The following TENM1 variants were observed in gnomAD, a reference collection of about 807,000 sequenced individuals.
TENM1 encodes teneurin transmembrane protein 1, also known as teneurin-1.
Under a neutral mutation model 174.8 loss-of-function variants are expected in TENM1, and 35 were observed. That is an observed-to-expected ratio of 0.20 (90% CI 0.15 to 0.27). The LOEUF (loss-of-function observed/expected upper bound fraction) is 0.27, where lower values mean the gene tolerates loss of function less well. TENM1 is among the 10% of genes least tolerant of loss of function. TENM1 has a pLI of 1.00. For missense variants in TENM1, 1,633 were observed against 2,130.1 expected (o/e 0.77, Z 4.59); for synonymous variants, 781 against 798.7 (o/e 0.98, Z 0.37).
chrX:124,763,484 GCA>G (rs747940187), intron 3 of TENM1, among the ~76,000 whole-genome samples: 50 of 108,231 alleles, frequency 4.6e-4, no homozygotes, highest in African/African-American at 1.1e-3. Context: ...TCTCAAAAGC[GCA>G]CACACACACA....
the TENM1 span, among the ~76,000 whole-genome samples, chrX:125,006,496 G>A: frequency 8.9e-6 from 1 of 111,742 alleles, no homozygotes; most frequent in Non-Finnish European, 1.9e-5. Context: ...TCCTGACAAG[G>A]GGGATTCTCC....
intron 22 of TENM1, among the ~76,000 whole-genome samples, chrX:124,461,857 T>C (rs2061177925): frequency 9.0e-6 from 1 of 111,719 alleles, no homozygotes; most frequent in African/African-American, 3.3e-5. Flanking sequence ...TCAAAATAAC[T>C]AGAAGAGAAT....
intron 11 of TENM1, among the ~76,000 whole-genome samples, chrX:124,577,411 C>G (rs187232010): frequency 9.4e-6 from 1 of 106,659 alleles, no homozygotes; most frequent in African/African-American, 3.4e-5. Context: ...GTAAAGAACC[C>G]AGAGTCAACA....
chrX:124,461,250 T>C (rs140824019), intron 22 of TENM1, among the ~76,000 whole-genome samples: 257 of 112,104 alleles, frequency 2.3e-3, no homozygotes, highest in African/African-American at 7.8e-3. Context: ...TAATGAATGC[T>C]GGTGAGGATG....
At chrX:124,544,208 G>A (rs940581683) in intron 15 of TENM1, among the ~76,000 whole-genome samples, 2 of 112,640 alleles carry the variant, frequency 1.8e-5, no homozygotes, top group African/African-American at 6.4e-5. Context: ...TACAGTCCGA[G>A]ATGTATAAGA....
chrX:124,565,664 TTTTA>T (rs941909808), intron 11 of TENM1, 104 bp from the exon 15 acceptor site: 71 of 506,597 alleles, frequency 1.4e-4, no homozygotes, highest in Non-Finnish European at 1.8e-4. Flanking sequence ...TATATTTATA[TTTTA>T]TTTATTTATT....
the TENM1 span, among the ~76,000 whole-genome samples, chrX:125,089,794 T>C: frequency 9.0e-6 from 1 of 111,526 alleles, no homozygotes; most frequent in Admixed American, 9.5e-5. Flanking sequence ...TTTAGGAGCA[T>C]AGTCAAGTGG....
intron 11 of TENM1, among the ~76,000 whole-genome samples, chrX:124,568,418 T>C (rs989180637): frequency 9.0e-6 from 1 of 111,447 alleles, no homozygotes; most frequent in African/African-American, 3.3e-5. Flanking sequence ...GTACTGACTA[T>C]TGAGTATAAA....
At chrX:125,145,170 C>T in the TENM1 span, among the ~76,000 whole-genome samples, 4 of 111,777 alleles carry the variant, frequency 3.6e-5, no homozygotes, top group African/African-American at 1.3e-4. Context: ...CACAGAAAAT[C>T]TGGGCCTGAT....
At chrX:124,463,645 G>A (rs2061204885) in intron 22 of TENM1, among the ~76,000 whole-genome samples, 1 of 111,096 alleles carries the variant, frequency 9.0e-6, no homozygotes, top group African/African-American at 3.3e-5. Flanking sequence ...TAAATTATTG[G>A]TGTAAAAGCC....
At chrX:125,061,011 A>C in the TENM1 span, among the ~76,000 whole-genome samples, 1 of 109,750 alleles carries the variant, frequency 9.1e-6, no homozygotes, top group Admixed American at 9.8e-5. Flanking sequence ...TTATATATAT[A>C]TATATATACT....
chrX:124,851,807 TAGCTA>T (rs1207699362), intron 3 of TENM1, among the ~76,000 whole-genome samples: 2 of 111,532 alleles, frequency 1.8e-5, no homozygotes, highest in African/African-American at 6.5e-5. Context: ...GCTATCTCCT[TAGCTA>T]GACTATCTTA....
At chrX:124,816,963 C>T (rs1040699815) in intron 3 of TENM1, among the ~76,000 whole-genome samples, 8 of 110,036 alleles carry the variant, frequency 7.3e-5, no homozygotes, top group African/African-American at 2.6e-4. Context: ...TAGGTATATA[C>T]GTGCCATGGT....
At chrX:124,380,778 C>T (rs773983922) in exon 32 of TENM1, 4 of 1,211,717 alleles carry the variant, frequency 3.3e-6, no homozygotes, top group South Asian at 1.8e-5. Flanking sequence ...ATCTCCAACA[C>T]GTGATTCTTT....
chrX:124,833,583 T>C (rs187018635), intron 3 of TENM1, among the ~76,000 whole-genome samples: 1 of 112,105 alleles, frequency 8.9e-6, no homozygotes, highest in Admixed American at 9.5e-5. Context: ...CTTTTTTCCC[T>C]AGTTCTCTAC....
intron 14 of TENM1, among the ~76,000 whole-genome samples, chrX:124,555,211 C>T (rs924204973): frequency 9.9e-5 from 11 of 111,409 alleles, no homozygotes; most frequent in African/African-American, 3.3e-4. Context: ...CAAAGACATG[C>T]CTTTTACTTT....
the TENM1 span, among the ~76,000 whole-genome samples, chrX:125,023,801 C>T: frequency 8.2e-3 from 918 of 111,307 alleles, 8 homozygotes; most frequent in African/African-American, 0.028. Context: ...TAACATCCTA[C>T]AGGACAGGGG....
Position 124,413,913 on chromosome X carries a change from A to C in TENM1, c.4982+6398T>G, listed in dbSNP as rs1406509808. On this transcript the variant is annotated intron_variant, in intron 25 of 31. Transcript: ENST00000422452. ...TGCATGGGAATCGCATCCTATCCCC[A>C]GGCAAATATCTCACCCAGAGACATG... 2.7e-5 allele frequency among the ~76,000 whole-genome samples: 3 copies of C among 112,068 alleles called. No individual in the cohort carries two copies. The East Asian group carries it at 8.4e-4, about 31-fold the overall frequency.
chrX:125,178,173 T>G, the TENM1 span, among the ~76,000 whole-genome samples: 28 of 111,463 alleles, frequency 2.5e-4, no homozygotes, highest in South Asian at 0.01. Context: ...TGGCAGTGAA[T>G]GACTATAATT....
Sources: gnomAD v4.1 joint callset for allele counts (sites outside exome capture counted in the v4.1 genomes callset) on GRCh38, gnomAD v4.1.1 for gene constraint, MANE v1.5 for transcripts, NCBI Gene and HGNC (gene_info 2026-07-23, HGNC 2026-07-21) for gene names.